Variants in MYO1B observed in about 807,000 individuals in gnomAD.
MYO1B encodes unconventional myosin-Ib.
MYO1B carries 72 observed loss-of-function variants against 159.7 expected under a neutral mutation model. The ratio of observed to expected loss-of-function variants is 0.45; its 90% CI spans 0.37 to 0.55. The LOEUF is 0.55. Ranked by LOEUF, MYO1B falls within the 20% of genes least tolerant of loss-of-function variation. MYO1B has a pLI of 0.00. For synonymous variants in MYO1B, 468 were observed against 473.8 expected (o/e 0.99, Z 0.16); for missense variants, 1,062 against 1,364.8 (o/e 0.78, Z 3.50).
At chr2:191,296,303 C>G (rs1033117345) in intron 3 of MYO1B, 77 bp downstream of exon 3, 1 of 656,750 alleles carries the variant, frequency 1.5e-6, no homozygotes, top group Non-Finnish European at 2.3e-6. Context: ...CAGCTGTCTC[C>G]TTTGAATTTC....
intron 27 of MYO1B, among the ~76,000 whole-genome samples, chr2:191,413,258 T>C (rs1697360917): frequency 6.6e-6 from 1 of 152,342 alleles, no homozygotes; most frequent in African/African-American, 2.4e-5. Flanking sequence ...ACACAATCAC[T>C]TAGCCTAGCC....
At chr2:191,318,970 T>C (rs1412781999) in intron 3 of MYO1B, among the ~76,000 whole-genome samples, 1 of 152,052 alleles carries the variant, frequency 6.6e-6, no homozygotes, top group East Asian at 1.9e-4. Context: ...TCTGACTGGA[T>C]TGGTGGAGAG....
At chr2:191,330,951 G>T (rs1334148544) in intron 4 of MYO1B, among the ~76,000 whole-genome samples, 1 of 152,144 alleles carries the variant, frequency 6.6e-6, no homozygotes, top group African/African-American at 2.4e-5. Flanking sequence ...TCTGCCATAG[G>T]TGTTGAGTCA....
At chr2:191,311,992 A>G (rs972434542) in intron 3 of MYO1B, among the ~76,000 whole-genome samples, 4 of 152,234 alleles carry the variant, frequency 2.6e-5, no homozygotes, top group African/African-American at 4.8e-5. Flanking sequence ...TATTATATCT[A>G]TGATTGATTG....
At chr2:191,320,900 G>GC (rs1690669657) in intron 3 of MYO1B, among the ~76,000 whole-genome samples, 1 of 151,774 alleles carries the variant, frequency 6.6e-6, no homozygotes, top group Non-Finnish European at 1.5e-5. Flanking sequence ...TGGCATCTCT[G>GC]CCTATTGCCT....
Position 191,396,456 on chromosome 2 carries a change from A to C in MYO1B, c.2254A>C (p.Ser752Arg), listed in dbSNP as rs780229766. The change falls in exon 21 of 31, where the codon AGT becomes CGT. Residue 752 changes from serine to arginine, a missense_variant. Physicochemically the swap from Ser to Arg is moderately radical, Grantham distance 110. This residue lies in a region of MYO1B where 609 missense variants were observed against 744.4 expected (regional missense o/e 0.82). Transcript: ENST00000392318. ...AQQKRYQQTK[S>R]SALVIQSYIR... ...ACAAAAGAGGTACCAGCAGACAAAG[A>C]GTTCCGCCTTAGTAATTCAGTCTTA... The C allele has an allele frequency of 6.2e-6, 10 of 1,614,180 alleles. No individual in the cohort carries two copies. In the South Asian group the frequency reaches 1.1e-4, roughly 18 times the overall value.
chr2:191,290,596 T>C (rs1688633382), intron 2 of MYO1B, among the ~76,000 whole-genome samples: 1 of 152,268 alleles, frequency 6.6e-6, no homozygotes, highest in South Asian at 2.1e-4. Context: ...GTTTTTATCT[T>C]GTATATGTGT....
intron 1 of MYO1B, among the ~76,000 whole-genome samples, chr2:191,258,417 A>C (rs939849257): frequency 2.0e-5 from 3 of 152,196 alleles, no homozygotes; most frequent in African/African-American, 7.2e-5. Flanking sequence ...TGATGGGTGA[A>C]TGTGAGGGCC....
chr2:191,280,379 G>C (rs34840299), intron 2 of MYO1B, among the ~76,000 whole-genome samples: 63,712 of 152,076 alleles, frequency 0.42, 13,431 homozygotes, highest in Middle Eastern at 0.53. Flanking sequence ...TAGTGGCTCA[G>C]TGGTATCACT....
intron 30 of MYO1B, among the ~76,000 whole-genome samples, chr2:191,418,150 G>A (rs368542099): frequency 1.3e-5 from 2 of 152,188 alleles, no homozygotes; most frequent in Non-Finnish European, 2.9e-5. Context: ...GCACCCGTGG[G>A]TCCCTTCCCC....
At chr2:191,326,217 A>G (rs1446843701) in intron 3 of MYO1B, among the ~76,000 whole-genome samples, 1 of 152,158 alleles carries the variant, frequency 6.6e-6, no homozygotes, top group Non-Finnish European at 1.5e-5. Context: ...TTCTCTAAAG[A>G]TTTATTTAGG....
rs184608287 is a variant in MYO1B, at chr2:191,362,574, G to A, written c.765+203G>A. Among the ~76,000 whole-genome samples the A allele has an allele frequency of 2.0e-3, 299 of 152,246 alleles. 3 individuals are homozygous for A. The highest frequency in any genetic ancestry group is 3.1e-3 in the East Asian group (16 of 5,186). On this transcript the variant is annotated intron_variant, in intron 9 of 30. Transcript: ENST00000392318. ...GATTGTGAAGGCCATGCTTTTATTA[G>A]AGCATGTGATTTTACCATTTATCAT...
At chr2:191,338,414 G>A (rs2125940674) in intron 4 of MYO1B, among the ~76,000 whole-genome samples, 1 of 152,242 alleles carries the variant, frequency 6.6e-6, no homozygotes, top group South Asian at 2.1e-4. Flanking sequence ...CAGTTTAAAT[G>A]AATCCATCTT....
intron 13 of MYO1B, among the ~76,000 whole-genome samples, chr2:191,379,542 G>T (rs545017745): frequency 6.6e-6 from 1 of 152,214 alleles, no homozygotes; most frequent in East Asian, 1.9e-4. Context: ...ACTTTGAGCT[G>T]TTCATAGCTA....
At chr2:191,392,826 G>A (rs1695838042) in intron 19 of MYO1B, among the ~76,000 whole-genome samples, 1 of 152,150 alleles carries the variant, frequency 6.6e-6, no homozygotes, top group African/African-American at 2.4e-5. Context: ...GGTCAATTCA[G>A]CCCCTCTCTG....
chr2:191,362,932 G>T (rs1397538058), intron 9 of MYO1B, among the ~76,000 whole-genome samples: 1 of 152,172 alleles, frequency 6.6e-6, no homozygotes, highest in African/African-American at 2.4e-5. Flanking sequence ...GGGAGAGTAG[G>T]ATGAATTATA....
At chr2:191,368,691 G>T (rs1694167561) in intron 11 of MYO1B, among the ~76,000 whole-genome samples, 1 of 152,142 alleles carries the variant, frequency 6.6e-6, no homozygotes, top group Admixed American at 6.6e-5. Context: ...GATTAGTGTG[G>T]CCAGGCATGG....
chr2:191,400,368 A>G lies in MYO1B; in HGVS notation c.2296-14A>G, dbSNP rs1696532475. ...TTTTAAACATTCTCTCTTTTGGGTGATTCTGCCCTTTAGGCTCGAAAAATT... is the reference window on the plus strand; with the variant it reads ...TTTTAAACATTCTCTCTTTTGGGTGGTTCTGCCCTTTAGGCTCGAAAAATT... On this transcript the variant is annotated splice_polypyrimidine_tract_variant and intron_variant, in intron 21 of 30. Transcript: ENST00000392318. 1 of 1,613,490 alleles carries G rather than the reference A, an allele frequency of 6.2e-7. No homozygotes were observed. The highest frequency in any genetic ancestry group is 8.5e-7 in the Non-Finnish European group (1 of 1,179,828).
chr2:191,275,317 T>C (rs934920409), intron 1 of MYO1B, among the ~76,000 whole-genome samples: 1 of 152,128 alleles, frequency 6.6e-6, no homozygotes, highest in Admixed American at 6.6e-5. Flanking sequence ...CCTTATTTTA[T>C]TTATGGGAGA....
Sources: gnomAD v4.1 joint callset for allele counts (sites outside exome capture counted in the v4.1 genomes callset) on GRCh38, gnomAD v4.1.1 for gene constraint, gnomAD v4.1.1 regional missense constraint, MANE v1.5 for transcripts, NCBI Gene and HGNC (gene_info 2026-07-23, HGNC 2026-07-21) for gene names.